The following DMD variants were observed in gnomAD, a reference collection of about 807,000 sequenced individuals.
DMD encodes dystrophin, also known as mutant dystrophin.
A neutral mutation model predicts 330.1 loss-of-function variants in DMD; 63 were observed. The ratio of observed to expected loss-of-function variants is 0.19; its 90% CI spans 0.16 to 0.24. DMD has a LOEUF of 0.24. Ranked by LOEUF, DMD falls within the 10% of genes least tolerant of loss-of-function variation. DMD has a pLI of 1.00. For synonymous variants in DMD, 1,223 were observed against 959.8 expected (o/e 1.27, Z -5.07); for missense variants, 3,344 against 2,684.1 (o/e 1.25, Z -5.43).
intron 62 of DMD, among the ~76,000 whole-genome samples, chrX:31,315,640 C>A (rs988305001): frequency 1.8e-5 from 2 of 112,240 alleles, no homozygotes; most frequent in Non-Finnish European, 1.9e-5. Flanking sequence ...ACGAATGAGG[C>A]AGGGAATGCT....
At chrX:32,662,599 A>G (rs1249331317) in intron 9 of DMD, among the ~76,000 whole-genome samples, 1 of 111,589 alleles carries the variant, frequency 9.0e-6, no homozygotes. Context: ...GTTGGCCAAC[A>G]TTGCTTATTT....
intron 1 of DMD, among the ~76,000 whole-genome samples, chrX:33,229,009 A>G (rs1454545633): frequency 9.0e-6 from 1 of 110,865 alleles, no homozygotes; most frequent in Admixed American, 9.6e-5. Context: ...TCATTTATAT[A>G]TACTATTCAG....
At chrX:31,836,141 T>C (rs2093191327) in intron 49 of DMD, among the ~76,000 whole-genome samples, 1 of 111,841 alleles carries the variant, frequency 8.9e-6, no homozygotes, top group Non-Finnish European at 1.9e-5. Flanking sequence ...AACATGGATA[T>C]GGAGAAGAAA....
chrX:32,668,280 A>T (rs938038100), intron 9 of DMD, among the ~76,000 whole-genome samples: 1 of 112,521 alleles, frequency 8.9e-6, no homozygotes, highest in African/African-American at 3.2e-5. Context: ...TTTCATTGTT[A>T]AACACCCTCA....
chrX:31,317,124 C>T (rs1364257455), intron 62 of DMD, among the ~76,000 whole-genome samples: 2 of 111,641 alleles, frequency 1.8e-5, no homozygotes, highest in African/African-American at 6.5e-5. Context: ...AATGTTAGTA[C>T]TGGAAATGAC....
chrX:31,348,686 C>A (rs761510587), intron 60 of DMD, 52 bp from the exon 61 acceptor site: 21 of 997,952 alleles, frequency 2.1e-5, no homozygotes, highest in Admixed American at 1.9e-4. Flanking sequence ...TAATGAGGAA[C>A]AATTAAAACA....
At chrX:32,862,033 A>G (rs774754224) in intron 2 of DMD, among the ~76,000 whole-genome samples, 1 of 112,030 alleles carries the variant, frequency 8.9e-6, no homozygotes, top group East Asian at 2.8e-4. Context: ...TAATAGTGAT[A>G]TCAAAATACT....
intron 5 of DMD, 106 bp downstream of exon 5, chrX:32,823,189 G>C (rs954127761): frequency 3.1e-6 from 2 of 636,964 alleles, no homozygotes; most frequent in South Asian, 4.6e-5. Flanking sequence ...CTATGGAGCA[G>C]GGTTTGTTAT....
intron 45 of DMD, among the ~76,000 whole-genome samples, chrX:31,933,896 A>G (rs2094890176): frequency 9.0e-6 from 1 of 111,200 alleles, no homozygotes; most frequent in Non-Finnish European, 1.9e-5. Context: ...ATAGCATTTA[A>G]TTGTGTAAAT....
intron 26 of DMD, among the ~76,000 whole-genome samples, chrX:32,449,391 C>G (rs771680967): frequency 5.0e-4 from 55 of 110,167 alleles, no homozygotes; most frequent in Non-Finnish European, 9.7e-4. Flanking sequence ...GCCCAACACT[C>G]TCCTATCCTG....
At chrX:33,119,233 A>C (rs1156375471) in intron 1 of DMD, among the ~76,000 whole-genome samples, 1 of 112,426 alleles carries the variant, frequency 8.9e-6, no homozygotes. Flanking sequence ...TGTCATATAT[A>C]TGTTTTATAT....
At chrX:32,247,075 G>T (rs1330509262) in intron 43 of DMD, among the ~76,000 whole-genome samples, 7 of 111,573 alleles carry the variant, frequency 6.3e-5, no homozygotes, top group African/African-American at 3.2e-5. Flanking sequence ...GTTTGAAAAC[G>T]ATTGTCAAAG....
At chrX:32,988,419 T>A (rs1266506645) in intron 2 of DMD, among the ~76,000 whole-genome samples, 1 of 111,549 alleles carries the variant, frequency 9.0e-6, no homozygotes, top group Non-Finnish European at 1.9e-5. Context: ...CGTCTTAATG[T>A]CTTCAATGGA....
intron 62 of DMD, among the ~76,000 whole-genome samples, chrX:31,307,505 G>C (rs1675612612): frequency 9.0e-6 from 1 of 111,279 alleles, no homozygotes; most frequent in Non-Finnish European, 1.9e-5. Context: ...TGAGGACTAA[G>C]AGTATATGAA....
chrX:32,853,769 G>GAAAAAAAAAAA (rs1162458210), intron 2 of DMD, among the ~76,000 whole-genome samples: 5 of 56,054 alleles, frequency 8.9e-5, no homozygotes, highest in Admixed American at 4.7e-4. Flanking sequence ...CACAGTGACA[G>GAAAAAAAAAAA]AAAAAAAAAA....
intron 59 of DMD, among the ~76,000 whole-genome samples, chrX:31,457,368 C>A (rs1188152869): frequency 9.0e-6 from 1 of 111,576 alleles, no homozygotes; most frequent in Non-Finnish European, 1.9e-5. Context: ...ATTCCAAAAA[C>A]TATTATTGGG....
chrX:31,888,555 T>A (rs1174638301), intron 47 of DMD, among the ~76,000 whole-genome samples: 1 of 111,855 alleles, frequency 8.9e-6, no homozygotes, highest in Admixed American at 9.5e-5. Context: ...GTATGAAATA[T>A]TTGGAGAGTT....
chrX:31,361,372 A>C (rs1310125817), intron 60 of DMD, among the ~76,000 whole-genome samples: 1 of 111,764 alleles, frequency 8.9e-6, no homozygotes, highest in Admixed American at 9.5e-5. Context: ...GGTGGATGGC[A>C]AAGATGGGAC....
chrX:32,247,468 T>A (rs1358142390), intron 43 of DMD, among the ~76,000 whole-genome samples: 1 of 112,142 alleles, frequency 8.9e-6, no homozygotes, highest in Non-Finnish European at 1.9e-5. Flanking sequence ...TAGTGACAAT[T>A]ATTTTTTAAT....
Sources: allele counts gnomAD v4.1 joint callset (sites outside exome capture counted in the v4.1 genomes callset), GRCh38; gene constraint gnomAD v4.1.1; transcripts MANE v1.5; gene names NCBI Gene and HGNC (gene_info 2026-07-23, HGNC 2026-07-21).